The following SDK1 variants were observed in gnomAD, a reference collection of about 807,000 sequenced individuals.
The protein encoded by SDK1 is protein sidekick-1.
Under a neutral mutation model 245.5 loss-of-function variants are expected in SDK1, and 157 were observed. The ratio of observed to expected loss-of-function variants is 0.64; its 90% CI spans 0.56 to 0.73. The LOEUF is 0.73. Ranked by LOEUF, SDK1 falls within the 30% of genes least tolerant of loss-of-function variation. The pLI is 0.00. For missense variants in SDK1, 3,583 were observed against 3,002.3 expected, an observed-to-expected ratio of 1.19 and a Z score of -4.52; for synonymous variants, 1,647 against 1,278.5, an observed-to-expected ratio of 1.29 and a Z score of -6.15.
At chr7:3,892,311 C>T (rs560233501) in intron 5 of SDK1, among the ~76,000 whole-genome samples, 1 of 152,342 alleles carries the variant, frequency 6.6e-6, no homozygotes, top group East Asian at 1.9e-4. Context: ...GCAGCTCTGC[C>T]GAGCTTGGCT....
intron 1 of SDK1, among the ~76,000 whole-genome samples, chr7:3,455,847 AG>A (rs762311532): frequency 1.6e-4 from 25 of 152,354 alleles, no homozygotes; most frequent in Non-Finnish European, 2.9e-4. Flanking sequence ...AATTGTGTTA[AG>A]CCAATAGATC....
intron 22 of SDK1, among the ~76,000 whole-genome samples, chr7:4,083,734 A>ACTTCCTCCT (rs1562785192): frequency 7.3e-4 from 3 of 4,118 alleles, no homozygotes; most frequent in Non-Finnish European, 1.5e-3. Flanking sequence ...TACTTCCTCC[A>ACTTCCTCCT]TCCCTCCCTT....
intron 1 of SDK1, among the ~76,000 whole-genome samples, chr7:3,573,000 C>G (rs762762663): frequency 6.6e-6 from 1 of 152,030 alleles, no homozygotes; most frequent in Admixed American, 6.5e-5. Flanking sequence ...GGTGACCACC[C>G]AAAAGTGAGG....
chr7:3,649,648 A>G (rs986202513), intron 4 of SDK1, among the ~76,000 whole-genome samples: 11 of 152,190 alleles, frequency 7.2e-5, no homozygotes, highest in Non-Finnish European at 1.3e-4. Flanking sequence ...ATAACAATTC[A>G]CTTAATCTTC....
chr7:3,344,017 C>T (rs1413589586), intron 1 of SDK1, among the ~76,000 whole-genome samples: 1 of 104,460 alleles, frequency 9.6e-6, no homozygotes, highest in African/African-American at 5.0e-5. Context: ...ACACATACAA[C>T]CAAAAAAAAA....
chr7:3,615,928 A>C (rs1781754644), intron 1 of SDK1, among the ~76,000 whole-genome samples: 1 of 150,514 alleles, frequency 6.6e-6, no homozygotes, highest in Non-Finnish European at 1.5e-5. Flanking sequence ...CCACACTGCC[A>C]GGCTGGAGTG....
chr7:3,727,757 C>T (rs965599490), intron 4 of SDK1, among the ~76,000 whole-genome samples: 1 of 152,142 alleles, frequency 6.6e-6, no homozygotes, highest in African/African-American at 2.4e-5. Flanking sequence ...TCCCAAAGTG[C>T]TGGGATTGCA....
intron 2 of SDK1, among the ~76,000 whole-genome samples, chr7:3,619,824 G>A (rs943297629): frequency 3.9e-5 from 6 of 152,198 alleles, no homozygotes; most frequent in African/African-American, 1.4e-4. Flanking sequence ...CATGATGTGG[G>A]GACAGAGGGC....
chr7:3,576,247 C>T (rs541403684), intron 1 of SDK1, among the ~76,000 whole-genome samples: 1 of 152,212 alleles, frequency 6.6e-6, no homozygotes, highest in African/African-American at 2.4e-5. Flanking sequence ...CTCATCACCC[C>T]CAAATAGGCT....
intron 4 of SDK1, among the ~76,000 whole-genome samples, chr7:3,804,754 T>C (rs1779197417): frequency 6.6e-6 from 1 of 152,236 alleles, no homozygotes; most frequent in Non-Finnish European, 1.5e-5. Context: ...TTTGTAGTTT[T>C]CAGCATACAA....
chr7:3,572,279 A>T (rs1780141165), intron 1 of SDK1, among the ~76,000 whole-genome samples: 1 of 151,976 alleles, frequency 6.6e-6, no homozygotes, highest in South Asian at 2.1e-4. Flanking sequence ...GAATGTCACA[A>T]ATTTCGGTCA....
Position 3,580,572 on chromosome 7 carries a change from G to A in SDK1, c.299-38508G>A, listed in dbSNP as rs532993413. Among the ~76,000 whole-genome samples, 10 of 152,198 alleles carry A rather than the reference G, an allele frequency of 6.6e-5. No individual in the cohort carries two copies. In the South Asian group the frequency reaches 2.1e-3, roughly 32 times the overall value. ...GATTCCCTATTCAATAAATGGTGCT[G>A]GGATAACTGACTAGGCATATGCAGG... On this transcript the variant is annotated intron_variant, in intron 1 of 44. Transcript: ENST00000404826.
At position 4,093,358 on chromosome 7, in the gene SDK1, C is replaced by T. The variant is rs970273173; in HGVS notation, c.3324+13774C>T. Among the ~76,000 whole-genome samples the T allele has an allele frequency of 5.3e-5, 8 of 149,984 alleles. No homozygotes were observed. In the East Asian group the frequency reaches 1.6e-3, roughly 30 times the overall value. The stretch of plus-strand genomic sequence containing the variant: ...TCTAATAGCCAAAATAACGTCTAGT[C>T]TTCTCAAAAGCCTGCCCTGAGCAGA... On this transcript the variant is annotated intron_variant, in intron 22 of 44. Transcript: ENST00000404826.
intron 1 of SDK1, among the ~76,000 whole-genome samples, chr7:3,323,933 AT>A (rs1454926357): frequency 4.6e-5 from 7 of 152,074 alleles, no homozygotes; most frequent in Non-Finnish European, 1.5e-5. Flanking sequence ...CTGTCTTTTG[AT>A]TGCAGGGTTT....
chr7:4,190,269 G>C (rs1282151191), intron 35 of SDK1, among the ~76,000 whole-genome samples: 4 of 152,190 alleles, frequency 2.6e-5, no homozygotes, highest in Non-Finnish European at 5.9e-5. Context: ...GGCCGCCCCT[G>C]TCATTTCTGC....
chr7:3,726,621 G>C (rs974095585), intron 4 of SDK1, among the ~76,000 whole-genome samples: 2 of 152,194 alleles, frequency 1.3e-5, no homozygotes, highest in African/African-American at 4.8e-5. Context: ...TATAAGTTAT[G>C]TTAAAAAACA....
intron 4 of SDK1, among the ~76,000 whole-genome samples, chr7:3,674,191 C>A (rs1435298082): frequency 6.6e-6 from 1 of 152,126 alleles, no homozygotes; most frequent in Non-Finnish European, 1.5e-5. Flanking sequence ...GGAAAGACAG[C>A]ATCAGAAATT....
chr7:3,627,379 C>A (rs1159471629), intron 2 of SDK1, among the ~76,000 whole-genome samples: 2 of 152,184 alleles, frequency 1.3e-5, no homozygotes, highest in African/African-American at 4.8e-5. Flanking sequence ...TGATCTGGGA[C>A]AATTCTGTGC....
intron 4 of SDK1, among the ~76,000 whole-genome samples, chr7:3,694,377 C>T (rs948293057): frequency 6.6e-6 from 1 of 152,166 alleles, no homozygotes; most frequent in Admixed American, 6.5e-5. Context: ...ACACCCTCCT[C>T]TCATAGACAC....
Sources: allele counts gnomAD v4.1 joint callset (sites outside exome capture counted in the v4.1 genomes callset), GRCh38; gene constraint gnomAD v4.1.1; transcripts MANE v1.5; gene names NCBI Gene and HGNC (gene_info 2026-07-23, HGNC 2026-07-21).